Variants in PTBP1 observed in about 807,000 individuals in gnomAD.
PTBP1 encodes the protein polypyrimidine tract-binding protein 1.
In PTBP1, 8 loss-of-function variants were observed where a neutral mutation model predicts 59.8. That is an observed-to-expected ratio of 0.13 (90% CI 0.08 to 0.24). PTBP1 has a LOEUF of 0.24. Ranked by LOEUF, PTBP1 falls within the 10% of genes least tolerant of loss-of-function variation. The pLI, the probability that PTBP1 is intolerant of heterozygous loss-of-function variation, is 1.00. For synonymous variants in PTBP1, 490 were observed against 320.7 expected, an observed-to-expected ratio of 1.53 and a Z score of -5.64; for missense variants, 686 against 767.0, an observed-to-expected ratio of 0.89 and a Z score of 1.25.
chr19:807,028 A>T (rs904251203), intron 10 of PTBP1: 1 of 153,372 alleles, frequency 6.5e-6, no homozygotes, highest in Non-Finnish European at 1.5e-5. Context: ...CAAAATATGT[A>T]ACTCTTGATG....
chr19:805,293 C>T (rs867635840), intron 8 of PTBP1, 106 bp downstream of exon 8: 3 of 1,333,614 alleles, frequency 2.2e-6, no homozygotes, highest in Non-Finnish European at 3.1e-6. Context: ...GGTGATGCAC[C>T]TGCTGCTCTC....
Position 806,395 on chromosome 19 carries a change from C to G in PTBP1, c.971-13C>G, listed in dbSNP as rs756086204. 2 of 1,596,856 alleles carry G rather than the reference C, an allele frequency of 1.3e-6. No individual in the cohort carries two copies. Among genetic ancestry groups the G allele is most frequent in the East Asian group, 2.3e-5 (1 of 42,904 alleles). Reference sequence around the variant, plus strand: ...GGGGGCGCCGCCGCTCATCTCACCTCCTGCTTTTCCAGGCCTTTCCGTTCC... The same window carrying G: ...GGGGGCGCCGCCGCTCATCTCACCTGCTGCTTTTCCAGGCCTTTCCGTTCC... On this transcript the variant is annotated splice_polypyrimidine_tract_variant and intron_variant, in intron 9 of 14. Transcript: ENST00000356948.
At chr19:800,043 C>T (rs2145022909) in intron 2 of PTBP1, among the ~76,000 whole-genome samples, 1 of 152,006 alleles carries the variant, frequency 6.6e-6, no homozygotes, top group South Asian at 2.1e-4. Flanking sequence ...TCTCCTGCCT[C>T]AACCTCCTGA....
At position 806,454 on chromosome 19, in the gene PTBP1, C is replaced by T. The variant is rs765111299; in HGVS notation, c.1017C>T (p.Ile339=). The change falls in exon 10 of 15, where the codon ATC becomes ATT. Residue 339 remains isoleucine, a synonymous_variant. Coordinates refer to ENST00000356948, the MANE Select transcript of PTBP1 (RefSeq NM_002819.5). ...NVHGALAPLA[I]PSAAAAAAAA... ...ACGGCGCCCTGGCCCCCCTGGCCATCCCCTCGGCGGCGGCGGCAGCTGCGG... is the reference window on the plus strand; with the variant it reads ...ACGGCGCCCTGGCCCCCCTGGCCATTCCCTCGGCGGCGGCGGCAGCTGCGG... 3.4e-5 allele frequency: 54 copies of T among 1,600,352 alleles called. No homozygotes were observed. The highest frequency in any genetic ancestry group is 2.4e-4 in the South Asian group (22 of 90,430).
At chr19:797,684 G>C (rs2034130668) in intron 1 of PTBP1, among the ~76,000 whole-genome samples, 179 bp downstream of exon 1, 1 of 149,116 alleles carries the variant, frequency 6.7e-6, no homozygotes, top group Non-Finnish European at 1.5e-5. Context: ...GGCTTCCCGG[G>C]GGTCTGGCCG....
chr19:804,597 G>A lies in PTBP1; in HGVS notation c.501G>A (p.Ser167=), dbSNP rs913961415. 9.3e-6 allele frequency: 15 copies of A among 1,611,656 alleles called. No individual in the cohort carries two copies. Among genetic ancestry groups the A allele is most frequent in the African/African-American group, 1.3e-5 (1 of 74,928 alleles). ...CGGGGAACCTGGCCTTGGCTGCCTCGGCGGCGGCCGTGGACGCAGGGATGG... is the reference window on the plus strand; with the variant it reads ...CGGGGAACCTGGCCTTGGCTGCCTCAGCGGCGGCCGTGGACGCAGGGATGG... ...VQSGNLALAA[S]AAAVDAGMAM... is the part of the protein sequence containing the mutation. Residue 167 remains serine (S), a synonymous_variant, in exon 6 of 15, where the codon TCG becomes TCA. Coordinates refer to ENST00000356948, the MANE Select transcript of PTBP1 (RefSeq NM_002819.5).
chr19:799,551 C>T (rs1599216411), intron 2 of PTBP1, 108 bp downstream of exon 2: 1 of 1,040,832 alleles, frequency 9.6e-7, no homozygotes, highest in Non-Finnish European at 1.5e-6. Flanking sequence ...TTTTCCATTC[C>T]TAAGGGGCAC....
In PTBP1 at chr19:808,142, C is replaced by A. The variant is rs1343006552; in HGVS notation, c.1154-218C>A. 1 of 630,176 alleles carries A rather than the reference C, an allele frequency of 1.6e-6. No individual in the cohort carries two copies. The highest frequency in any genetic ancestry group is 2.8e-6 in the Non-Finnish European group (1 of 352,592). The allele number at this position is 630,176 out of a possible 1,614,324, so 39.0% of individuals were successfully genotyped here. A position where few individuals can be genotyped will look rare whatever the true frequency, so the allele number is the denominator to read the frequency against. On this transcript the variant is annotated intron_variant, in intron 11 of 14. Transcript: ENST00000356948. The surrounding 1 kb of genome is among the most constrained non-coding windows in gnomAD (Gnocchi z 4.7). ...GGTGGCATATGCCACCGTGGCCACCCGCTGGCAGCTTACCTGTCCTGGATG... is the reference window on the plus strand; with the variant it reads ...GGTGGCATATGCCACCGTGGCCACCAGCTGGCAGCTTACCTGTCCTGGATG...
intron 9 of PTBP1, chr19:805,959 G>A (rs757159746): frequency 7.2e-6 from 2 of 276,462 alleles, no homozygotes; most frequent in Non-Finnish European, 1.4e-5. Flanking sequence ...TGTGTGCGTG[G>A]CCGTCCTCCC....
In PTBP1 at chr19:804,937, C is replaced by G. The variant is rs1428049609; in HGVS notation, c.715C>G (p.Leu239Val). Residue 239 changes from leucine to valine, a missense_variant and splice_region_variant, in exon 7 of 15, where the codon CTG (leucine) becomes GTG (valine). Leu to Val is a conservative substitution (Grantham distance 32, BLOSUM62 1). Transcript: ENST00000356948. ...ADPVSAQHAK[L>V]SLDGQNIYNA... Reference sequence around the variant, plus strand: ...CCCCGTGAGCGCCCAGCACGCCAAGCTGGTGAGTGGGGCTCCCGGGACGGC... The same window carrying G: ...CCCCGTGAGCGCCCAGCACGCCAAGGTGGTGAGTGGGGCTCCCGGGACGGC... The G allele has an allele frequency of 1.2e-6, 2 of 1,613,684 alleles. No homozygotes were observed.
chr19:801,555 C>T (rs756708939), intron 2 of PTBP1, among the ~76,000 whole-genome samples: 3 of 152,246 alleles, frequency 2.0e-5, no homozygotes, highest in Non-Finnish European at 2.9e-5. Context: ...TTTGTGCAGC[C>T]AGCACATGGG....
In PTBP1 at chr19:810,920, C is replaced by T; in HGVS notation, c.*94C>T. ...AAACAGCTGAAGTGACCTTAGCAGACCAGAGATTTTATTTTTTTAAAGAGA... is the reference window on the plus strand; with the variant it reads ...AAACAGCTGAAGTGACCTTAGCAGATCAGAGATTTTATTTTTTTAAAGAGA... On this transcript the variant is annotated 3_prime_UTR_variant, in exon 15 of 15. Transcript: ENST00000356948. 2 of 1,213,034 alleles carry T rather than the reference C, an allele frequency of 1.6e-6. No homozygotes were observed. The highest frequency in any genetic ancestry group is 3.2e-5 in the African/African-American group (2 of 63,150). The allele number at this position is 1,213,034 out of a possible 1,614,324, so 75.1% of individuals were successfully genotyped here. A position where few individuals can be genotyped will look rare whatever the true frequency, so the allele number is the denominator to read the frequency against.
At position 804,654 on chromosome 19, in the gene PTBP1, C is replaced by A. The variant is rs753269208; in HGVS notation, c.558C>A (p.Ile186=). ...CCGGGCAGAGCCCCGTGCTCAGGAT[C>A]ATCGTGGAGAACCTCTTCTACCCTG... ...AMAGQSPVLR[I]IVENLFYPVT... Residue 186 remains isoleucine, a synonymous_variant, in exon 6 of 15, where the codon ATC becomes ATA. Transcript: ENST00000356948. 1.2e-6 allele frequency: 2 copies of A among 1,613,118 alleles called. No homozygotes were observed. The highest frequency in any genetic ancestry group is 4.5e-5 in the East Asian group (2 of 44,868).
chr19:809,006 A>G (rs984073270), intron 13 of PTBP1, among the ~76,000 whole-genome samples: 1 of 152,052 alleles, frequency 6.6e-6, no homozygotes, highest in Non-Finnish European at 1.5e-5. Context: ...TAATGCACAC[A>G]TTTATTTATT....
chr19:810,425 A>T, intron 13 of PTBP1, 118 bp from the exon 14 acceptor site: 1 of 767,664 alleles, frequency 1.3e-6, no homozygotes, highest in Non-Finnish European at 2.1e-6. Flanking sequence ...CTGGGCTCCT[A>T]AAAGGCCCTA....
In PTBP1 at chr19:804,417, C is replaced by A. The variant is rs539202863; in HGVS notation, c.414C>A (p.Thr138=). The change falls in exon 5 of 15, where the codon ACC becomes ACA. Residue 138 remains threonine (T), a synonymous_variant. Transcript: ENST00000356948. The part of the protein sequence containing the change: ...IQFSNHKELK[T]DSSPNQARAQ... ...TCTCCAACCACAAGGAGCTGAAGAC[C>A]GACAGCTCTCCCAACCAGGCGGTGC... is the stretch of plus-strand genomic sequence containing the variant. 23 of 1,611,606 alleles carry A rather than the reference C, an allele frequency of 1.4e-5. No homozygotes were observed. Among genetic ancestry groups the A allele is most frequent in the Non-Finnish European group, 1.9e-5 (22 of 1,179,980 alleles).
chr19:803,025 C>T (rs1599224588), intron 2 of PTBP1, among the ~76,000 whole-genome samples: 1 of 152,278 alleles, frequency 6.6e-6, no homozygotes, highest in East Asian at 1.9e-4. Flanking sequence ...CTTTTCCGGG[C>T]TGGAAAACAG....
rs183391751 is a variant in PTBP1 at position 800,165 on chromosome 19, C to T, written c.39+722C>T. Reference sequence around the variant, plus strand: ...CATTGTTGGCCAGGCTGGTCTGGAACACAGGTGATGCACCCCCCTTGGCCT... The same window carrying T: ...CATTGTTGGCCAGGCTGGTCTGGAATACAGGTGATGCACCCCCCTTGGCCT... On this transcript the variant is annotated intron_variant, in intron 2 of 14. Transcript: ENST00000356948. 8.0e-4 allele frequency among the ~76,000 whole-genome samples: 119 copies of T among 148,730 alleles called. 1 individual carries two copies. Among genetic ancestry groups the T allele is most frequent in the Admixed American group, 2.7e-3 (40 of 14,656 alleles).
rs558098512 is a variant in PTBP1 at position 811,058 on chromosome 19, C to T, written c.*232C>T. The T allele has an allele frequency of 1.5e-4, 69 of 464,414 alleles. No homozygotes were observed. The highest frequency in any genetic ancestry group is 1.2e-3 in the African/African-American group (59 of 48,784). The allele number at this position is 464,414 out of a possible 1,614,324, so 28.8% of individuals were successfully genotyped here. A position where few individuals can be genotyped will look rare whatever the true frequency, so the allele number is the denominator to read the frequency against. The stretch of plus-strand genomic sequence containing the variant: ...GTGGCAGCGGGAGTTCCCGGCCCTC[C>T]ACACCCGGGGCCAGACCCTCGGGGC... On this transcript the variant is annotated 3_prime_UTR_variant, in exon 15 of 15. Transcript: ENST00000356948.
Sources: gnomAD v4.1 joint callset for allele counts (sites outside exome capture counted in the v4.1 genomes callset) on GRCh38, gnomAD v4.1.1 for gene constraint, Gnocchi (gnomAD v3.1) non-coding constraint, MANE v1.5 for transcripts, NCBI Gene and HGNC (gene_info 2026-07-23, HGNC 2026-07-21) for gene names.